Variants in TBCD observed in about 807,000 individuals in gnomAD.
TBCD encodes the protein tubulin-specific chaperone D.
TBCD carries 105 observed loss-of-function variants against 169.3 expected under a neutral mutation model. The ratio of observed to expected loss-of-function variants is 0.62; its 90% CI spans 0.53 to 0.73. TBCD has a LOEUF of 0.73. TBCD is among the 30% of genes least tolerant of loss of function. The pLI is 0.00. For synonymous variants in TBCD, 700 were observed against 643.9 expected, an observed-to-expected ratio of 1.09 and a Z score of -1.32; for missense variants, 1,444 against 1,600.1, an observed-to-expected ratio of 0.90 and a Z score of 1.66.
At chr17:82,883,334 C>T (rs2058502698) in intron 14 of TBCD, among the ~76,000 whole-genome samples, 1 of 152,284 alleles carries the variant, frequency 6.6e-6, no homozygotes, top group Admixed American at 6.5e-5. Flanking sequence ...TCTCTCAAGC[C>T]TTCCTTAGAA....
At position 82,923,876 on chromosome 17, in the gene TBCD, C is replaced by T; in HGVS notation, c.2260+143C>T. On this transcript the variant is annotated intron_variant, in intron 26 of 38. Transcript: ENST00000355528. The surrounding 1 kb of genome is among the most constrained non-coding windows in gnomAD (Gnocchi z 4.6). The stretch of plus-strand genomic sequence containing the variant: ...GGCTGGAGTGGGACTGTTCGGGTCT[C>T]AGGTTCCCAGCCGAGGAGCTGTGGG... 1 of 674,166 alleles carries T rather than the reference C, an allele frequency of 1.5e-6. No homozygotes were observed. The highest frequency in any genetic ancestry group is 3.0e-5 in the Admixed American group (1 of 32,992). 41.8% of individuals were successfully genotyped at this position (674,166 alleles called of 1,614,324 possible).
chr17:82,923,741 G>A lies in TBCD; in HGVS notation c.2260+8G>A, dbSNP rs1437866346. On this transcript the variant is annotated splice_region_variant and intron_variant, in intron 26 of 38. Transcript: ENST00000355528. This position sits in a 1 kb window ranked among gnomAD's most constrained non-coding sequence, Gnocchi z 4.6. ...CAGATCCCGCAATTCAGGGTGAGTGGGGAGCCCTTTTCTTGAAGACTCCAG... is the reference window on the plus strand; with the variant it reads ...CAGATCCCGCAATTCAGGGTGAGTGAGGAGCCCTTTTCTTGAAGACTCCAG... The A allele has an allele frequency of 1.9e-6, 3 of 1,591,520 alleles. No individual in the cohort carries two copies. Among genetic ancestry groups the A allele is most frequent in the South Asian group, 2.3e-5 (2 of 87,508 alleles).
intron 11 of TBCD, among the ~76,000 whole-genome samples, chr17:82,808,381 G>A (rs980609348): frequency 6.5e-5 from 9 of 139,202 alleles, no homozygotes; most frequent in African/African-American, 2.4e-4. Context: ...AGATGCTGGG[G>A]TTGGGGGAGG....
chr17:82,815,013 G>A, intron 13 of TBCD, 79 bp downstream of exon 13: 7 of 1,586,098 alleles, frequency 4.4e-6, no homozygotes, highest in South Asian at 2.3e-5. Flanking sequence ...CTGCCATCTC[G>A]ACTCGTGGAT....
In TBCD at chr17:82,932,839, C is replaced by T. The variant is rs2062317689; in HGVS notation, c.3191+104C>T. ...AGAGATCAGAATTCCAGGAAATGAT[C>T]TTCCAGTGCGTTCTGGGTCAGTTAT... On this transcript the variant is annotated intron_variant, in intron 34 of 38. Transcript: ENST00000355528. 1.5e-5 allele frequency: 18 copies of T among 1,175,702 alleles called. No individual in the cohort carries two copies. In the South Asian group the frequency reaches 2.0e-4, roughly 13 times the overall value. 72.8% of individuals were successfully genotyped at this position (1,175,702 alleles called of 1,614,324 possible).
At chr17:82,882,203 T>C (rs2058405220) in intron 14 of TBCD, among the ~76,000 whole-genome samples, 1 of 152,250 alleles carries the variant, frequency 6.6e-6, no homozygotes, top group Admixed American at 6.5e-5. Context: ...CCTTGTTTGC[T>C]GTGGGCTCAC....
intron 17 of TBCD, among the ~76,000 whole-genome samples, chr17:82,896,618 A>C (rs1325531300): frequency 6.6e-6 from 1 of 151,892 alleles, no homozygotes; most frequent in African/African-American, 2.4e-5. Context: ...GGCACACGCC[A>C]CCACGCCCGG....
At chr17:82,838,241 G>A (rs2054151661) in intron 13 of TBCD, among the ~76,000 whole-genome samples, 1 of 152,140 alleles carries the variant, frequency 6.6e-6, no homozygotes, top group African/African-American at 2.4e-5. Flanking sequence ...AGTTAATGCA[G>A]CAGACAGTTG....
At position 82,889,773 on chromosome 17, in the gene TBCD, C is replaced by G; in HGVS notation, c.1563+76C>G. On this transcript the variant is annotated intron_variant, in intron 16 of 38. Coordinates refer to ENST00000355528, the MANE Select transcript of TBCD (RefSeq NM_005993.5). The surrounding 1 kb of genome is among the most constrained non-coding windows in gnomAD (Gnocchi z 5.3). ...AGGTAGGAATCTTGAGAGCTATAAC[C>G]CTGGTGTCTTCTCGCACTGTGAGAT... 6.4e-7 allele frequency: 1 copy of G among 1,558,082 alleles called. No individual in the cohort carries two copies. Among genetic ancestry groups the G allele is most frequent in the Non-Finnish European group, 8.8e-7 (1 of 1,136,232 alleles).
intron 6 of TBCD, among the ~76,000 whole-genome samples, chr17:82,775,114 G>C (rs2048507788): frequency 6.6e-6 from 1 of 152,212 alleles, no homozygotes; most frequent in Admixed American, 6.5e-5. Context: ...GCGCTGGCTC[G>C]GGATCCCGGG....
Position 82,832,523 on chromosome 17 carries a change from G to T in TBCD, c.1318+17589G>T, listed in dbSNP as rs1431608484. 1 of 1,433,832 alleles carries T rather than the reference G, an allele frequency of 7.0e-7. No individual in the cohort carries two copies. Among genetic ancestry groups the T allele is most frequent in the East Asian group, 2.3e-5 (1 of 44,088 alleles). 88.8% of individuals were successfully genotyped at this position (1,433,832 alleles called of 1,614,324 possible). A position where few individuals can be genotyped will look rare whatever the true frequency, so the allele number is the denominator to read the frequency against. On this transcript the variant is annotated intron_variant, in intron 13 of 38. Coordinates refer to ENST00000355528, the MANE Select transcript of TBCD (RefSeq NM_005993.5). This position sits in a 1 kb window ranked among gnomAD's most constrained non-coding sequence, Gnocchi z 4.9. ...TCACTGTCGACGCCGCGTGCACTTC[G>T]TGGTTTCTAAAGAGGCACCTCCCGC... is the stretch of plus-strand genomic sequence containing the variant.
chr17:82,853,805 G>A (rs117403977), intron 13 of TBCD, among the ~76,000 whole-genome samples: 2,867 of 152,164 alleles, frequency 0.019, 52 homozygotes, highest in Non-Finnish European at 0.029. Flanking sequence ...AAAATCTACC[G>A]TATGTGATTT....
rs1567855121 is a variant in TBCD, at chr17:82,832,372, A to T, written c.1318+17438A>T. On this transcript the variant is annotated intron_variant, in intron 13 of 38. Transcript: ENST00000355528. This position sits in a 1 kb window ranked among gnomAD's most constrained non-coding sequence, Gnocchi z 4.9. ...CTCATTGCAAGTAAAGGGACATTGG[A>T]AACATTTATACTTGAAGGGCTTTCC... 1 of 1,614,234 alleles carries T rather than the reference A, an allele frequency of 6.2e-7. No homozygotes were observed. Among genetic ancestry groups the T allele is most frequent in the Non-Finnish European group, 8.5e-7 (1 of 1,180,046 alleles).
At chr17:82,773,184 G>A (rs909715533) in intron 6 of TBCD, among the ~76,000 whole-genome samples, 6 of 152,188 alleles carry the variant, frequency 3.9e-5, no homozygotes, top group African/African-American at 9.7e-5. Context: ...AAAACCTTTC[G>A]GTGGTTGTGG....
intron 13 of TBCD, chr17:82,858,799 G>A (rs575430483): frequency 5.6e-6 from 2 of 356,670 alleles, no homozygotes; most frequent in Middle Eastern, 1.4e-3. Context: ...GGCTGTCTTA[G>A]GATCCCGCTT....
chr17:82,882,943 T>G (rs940519098), intron 14 of TBCD, among the ~76,000 whole-genome samples: 1 of 151,984 alleles, frequency 6.6e-6, no homozygotes, highest in Non-Finnish European at 1.5e-5. Context: ...TGACGGTGCC[T>G]GCGCTGCCAG....
intron 14 of TBCD, among the ~76,000 whole-genome samples, chr17:82,876,170 C>A (rs2057957477): frequency 6.6e-6 from 1 of 152,146 alleles, no homozygotes; most frequent in Non-Finnish European, 1.5e-5. Context: ...AAATGAGGTG[C>A]CTGGAGCTTG....
At chr17:82,917,890 C>G (rs557449612) in intron 23 of TBCD, among the ~76,000 whole-genome samples, 2 of 151,984 alleles carry the variant, frequency 1.3e-5, no homozygotes, top group African/African-American at 4.8e-5. Context: ...TGGCCCCCGC[C>G]GCTCTGTCCC....
At chr17:82,907,866 A>ACCTG in intron 21 of TBCD, 45 bp downstream of exon 21, 1 of 1,594,976 alleles carries the variant, frequency 6.3e-7, no homozygotes, top group South Asian at 1.1e-5. Context: ...GCATCACAGG[A>ACCTG]CCTGCCCCCT....
Sources: allele counts gnomAD v4.1 joint callset (sites outside exome capture counted in the v4.1 genomes callset), GRCh38; gene constraint gnomAD v4.1.1; non-coding constraint Gnocchi (gnomAD v3.1); transcripts MANE v1.5; gene names NCBI Gene and HGNC (gene_info 2026-07-23, HGNC 2026-07-21).